Variants in GRAMD1B observed in about 807,000 individuals in gnomAD.
The protein encoded by GRAMD1B is protein Aster-B.
GRAMD1B carries 37 observed loss-of-function variants against 99.7 expected under a neutral mutation model. The ratio of observed to expected loss-of-function variants is 0.37; its 90% CI spans 0.29 to 0.49. GRAMD1B has a LOEUF of 0.49. GRAMD1B is among the 20% of genes least tolerant of loss of function. The pLI, the probability that GRAMD1B is intolerant of heterozygous loss-of-function variation, is 0.98. For missense variants in GRAMD1B, 888 were observed against 1,009.2 expected, an observed-to-expected ratio of 0.88 and a Z score of 1.63; for synonymous variants, 427 against 387.6, an observed-to-expected ratio of 1.10 and a Z score of -1.19.
At chr11:123,511,463 C>G (rs1004217939) in intron 2 of GRAMD1B, among the ~76,000 whole-genome samples, 1 of 152,072 alleles carries the variant, frequency 6.6e-6, no homozygotes, top group Non-Finnish European at 1.5e-5. Context: ...CTCCTGGCTC[C>G]TGCTTGCAAT....
At chr11:123,489,783 C>CT (rs1019778157) in intron 2 of GRAMD1B, among the ~76,000 whole-genome samples, 2 of 152,194 alleles carry the variant, frequency 1.3e-5, no homozygotes, top group Non-Finnish European at 2.9e-5. Flanking sequence ...GACATAAGCA[C>CT]TTTTTTATAA....
At chr11:123,435,214 C>T (rs1949105710) in intron 1 of GRAMD1B, among the ~76,000 whole-genome samples, 1 of 152,282 alleles carries the variant, frequency 6.6e-6, no homozygotes, top group Non-Finnish European at 1.5e-5. Flanking sequence ...GATTAGCATA[C>T]CAGGCCCAGC....
chr11:123,488,396 A>C (rs1252563798), intron 2 of GRAMD1B, among the ~76,000 whole-genome samples: 1 of 152,122 alleles, frequency 6.6e-6, no homozygotes, highest in African/African-American at 2.4e-5. Context: ...GGAGCTCTCC[A>C]GGCCGGGCAT....
chr11:123,613,602 G>A lies in GRAMD1B; in HGVS notation c.2171G>A (p.Ser724Asn). The A allele has an allele frequency of 2.5e-6, 4 of 1,613,878 alleles. No individual in the cohort carries two copies. The highest frequency in any genetic ancestry group is 3.4e-6 in the Non-Finnish European group (4 of 1,179,844). Residue 724 changes from serine (S) to asparagine (N), a missense_variant, in exon 16 of 20, where the codon AGC (serine) becomes AAC (asparagine). This residue lies in a region of GRAMD1B where 232 missense variants were observed against 261.7 expected (regional missense o/e 0.89). Coordinates refer to ENST00000635736, the MANE Select transcript of GRAMD1B (RefSeq NM_001387025.1). ...LRVPHLEEVM[S>N]PVTTPTDEDV... ...GTCCCTCACCTGGAAGAGGTGATGA[G>A]CCCGGTCACCACGCCCACAGATGAG...
At chr11:123,416,081 T>C (rs1214598873) in intron 1 of GRAMD1B, among the ~76,000 whole-genome samples, 8 of 152,240 alleles carry the variant, frequency 5.3e-5, no homozygotes, top group Non-Finnish European at 1.2e-4. Context: ...CACTATAATG[T>C]ATAGCTTAAT....
chr11:123,397,047 T>C (rs80055250), intron 1 of GRAMD1B, among the ~76,000 whole-genome samples: 1,783 of 152,186 alleles, frequency 0.012, 33 homozygotes, highest in African/African-American at 0.041. Context: ...AACACCAAAA[T>C]CAAAATACAG....
chr11:123,495,786 T>C (rs1757590149), intron 2 of GRAMD1B, among the ~76,000 whole-genome samples: 1 of 152,064 alleles, frequency 6.6e-6, no homozygotes, highest in Non-Finnish European at 1.5e-5. Context: ...TATAACCCAT[T>C]ATTTTAAACT....
chr11:123,362,594 C>T (rs545592880), intron 1 of GRAMD1B, among the ~76,000 whole-genome samples: 2 of 152,286 alleles, frequency 1.3e-5, no homozygotes, highest in Admixed American at 6.5e-5. Context: ...GTACTACCTA[C>T]CTACTCTCCC....
chr11:123,382,749 G>A (rs780191009), intron 1 of GRAMD1B, among the ~76,000 whole-genome samples: 2 of 152,180 alleles, frequency 1.3e-5, no homozygotes, highest in Non-Finnish European at 2.9e-5. Flanking sequence ...CTTTAAAGGT[G>A]TGGGTAAAGT....
At chr11:123,520,696 T>C (rs1942115665) in intron 2 of GRAMD1B, among the ~76,000 whole-genome samples, 1 of 145,402 alleles carries the variant, frequency 6.9e-6, no homozygotes, top group Non-Finnish European at 1.5e-5. Flanking sequence ...GGTGAATCAC[T>C]GGAGCCCAGG....
intron 2 of GRAMD1B, among the ~76,000 whole-genome samples, chr11:123,489,921 A>G (rs1171924396): frequency 6.6e-6 from 1 of 152,204 alleles, no homozygotes; most frequent in East Asian, 1.9e-4. Context: ...TGGCGCCTGT[A>G]ATTCCAGTGC....
chr11:123,523,098 G>A (rs566328599), intron 2 of GRAMD1B, among the ~76,000 whole-genome samples: 4 of 152,298 alleles, frequency 2.6e-5, no homozygotes, highest in Admixed American at 6.5e-5. Flanking sequence ...TTGGGAGGCC[G>A]AGGTGGGCGA....
intron 2 of GRAMD1B, among the ~76,000 whole-genome samples, chr11:123,520,950 C>T (rs935205371): frequency 1.3e-5 from 2 of 152,110 alleles, no homozygotes; most frequent in East Asian, 1.9e-4. Flanking sequence ...TACTGTTCCA[C>T]CTTAAGAAAA....
At chr11:123,543,234 G>T (rs547838564) in intron 2 of GRAMD1B, among the ~76,000 whole-genome samples, 1 of 152,296 alleles carries the variant, frequency 6.6e-6, no homozygotes, top group South Asian at 2.1e-4. Context: ...GCCAACCAAG[G>T]TAGAGGTGAA....
chr11:123,519,517 C>T (rs12799226), intron 2 of GRAMD1B, among the ~76,000 whole-genome samples: 28,208 of 152,204 alleles, frequency 0.19, 2,906 homozygotes, highest in Admixed American at 0.26. Context: ...CCAAAATGCT[C>T]CTTAAATATA....
intron 1 of GRAMD1B, among the ~76,000 whole-genome samples, chr11:123,450,879 A>G (rs1218292122): frequency 6.6e-6 from 1 of 152,274 alleles, no homozygotes; most frequent in Middle Eastern, 3.4e-3. Context: ...CTTGGCACTA[A>G]CAGAAGCCAA....
rs202023457 is a variant in GRAMD1B, at chr11:123,517,682, G to A, written c.452+36789G>A. Among the ~76,000 whole-genome samples the A allele has an allele frequency of 9.2e-5, 14 of 152,238 alleles. No homozygotes were observed. The East Asian group carries it at 1.9e-3, about 21-fold the overall frequency. On this transcript the variant is annotated intron_variant, in intron 2 of 19. Transcript: ENST00000635736. Reference sequence around the variant, plus strand: ...TCAGTCCCTGTTCAATGAAGAATGCGGTTTTTCTGCACTTGTCCTATCATC... The same window carrying A: ...TCAGTCCCTGTTCAATGAAGAATGCAGTTTTTCTGCACTTGTCCTATCATC...
intron 1 of GRAMD1B, among the ~76,000 whole-genome samples, chr11:123,363,776 G>T (rs966484614): frequency 6.6e-6 from 1 of 152,102 alleles, no homozygotes; most frequent in African/African-American, 2.4e-5. Context: ...CTTTGCTGAC[G>T]GGACAGTGCT....
intron 1 of GRAMD1B, among the ~76,000 whole-genome samples, chr11:123,436,514 T>TA (rs1163269049): frequency 2.6e-5 from 4 of 152,164 alleles, no homozygotes; most frequent in Non-Finnish European, 4.4e-5. Flanking sequence ...ATCAAACAGG[T>TA]ATTGAGATCC....
Sources: gnomAD v4.1 joint callset for allele counts (sites outside exome capture counted in the v4.1 genomes callset) on GRCh38, gnomAD v4.1.1 for gene constraint, gnomAD v4.1.1 regional missense constraint, MANE v1.5 for transcripts, NCBI Gene and HGNC (gene_info 2026-07-23, HGNC 2026-07-21) for gene names.